Variants in NTRK2 observed in about 807,000 individuals in gnomAD.
NTRK2 encodes BDNF/NT-3 growth factors receptor.
Under a neutral mutation model 94.5 loss-of-function variants are expected in NTRK2, and 13 were observed. The observed-to-expected ratio is 0.14, with a 90% CI of 0.09 to 0.22. NTRK2 has a LOEUF of 0.22. Among genes scored for constraint, NTRK2 ranks in the 10% least tolerant of loss-of-function variants. NTRK2 has a pLI of 1.00. For synonymous variants in NTRK2, 372 were observed against 407.4 expected (o/e 0.91, Z 1.05); for missense variants, 639 against 1,071.2 (o/e 0.60, Z 5.63).
intron 12 of NTRK2, among the ~76,000 whole-genome samples, chr9:84,759,413 T>C (rs529618498): frequency 2.0e-4 from 30 of 152,376 alleles, no homozygotes; most frequent in Middle Eastern, 3.4e-3. Context: ...TTTAGCCTTG[T>C]AGGTGGATGC....
intron 5 of NTRK2, 49 bp from the exon 6 acceptor site, chr9:84,710,588 C>T (rs1265139058): frequency 6.2e-7 from 1 of 1,605,676 alleles, no homozygotes; most frequent in Non-Finnish European, 8.5e-7. Flanking sequence ...ACTAATGTAG[C>T]TAAAATGGAA....
chr9:84,774,210 G>A (rs1189156228), intron 12 of NTRK2, among the ~76,000 whole-genome samples: 2 of 152,202 alleles, frequency 1.3e-5, no homozygotes, highest in Non-Finnish European at 2.9e-5. Flanking sequence ...TTCAATGGAG[G>A]GGACTGGACC....
At chr9:85,004,980 G>A (rs761739085) in intron 17 of NTRK2, among the ~76,000 whole-genome samples, 101 of 152,274 alleles carry the variant, frequency 6.6e-4, no homozygotes, top group Non-Finnish European at 9.7e-4. Context: ...AGAGATTTGA[G>A]CTCTGAGAAA....
rs112817020 is a variant in NTRK2, at chr9:84,817,061, A to G, written c.1397-43979A>G. Among the ~76,000 whole-genome samples the G allele has an allele frequency of 2.3e-3, 354 of 152,312 alleles. 2 individuals are homozygous for G. Among genetic ancestry groups the G allele is most frequent in the African/African-American group, 8.0e-3 (331 of 41,562 alleles). ...GAGATGATGGTAATAAGAATAGTAC[A>G]ATATTTACCTCACTGGGCTCTTATA... On this transcript the variant is annotated intron_variant, in intron 12 of 18. Coordinates refer to ENST00000277120, the MANE Select transcript of NTRK2 (RefSeq NM_006180.6).
At chr9:84,823,591 T>G (rs969254323) in intron 12 of NTRK2, among the ~76,000 whole-genome samples, 1 of 152,232 alleles carries the variant, frequency 6.6e-6, no homozygotes, top group Non-Finnish European at 1.5e-5. Context: ...CGTCAGTAGC[T>G]GGGGTGGAGG....
chr9:84,882,827 G>A (rs531594631), intron 14 of NTRK2, among the ~76,000 whole-genome samples: 5 of 152,188 alleles, frequency 3.3e-5, no homozygotes, highest in African/African-American at 1.2e-4. Flanking sequence ...TGGAGTTCGC[G>A]ATCTCGGCTC....
intron 10 of NTRK2, 130 bp downstream of exon 10, chr9:84,742,057 G>T: frequency 1.3e-6 from 1 of 793,660 alleles, no homozygotes; most frequent in Non-Finnish European, 2.0e-6. Context: ...GGCCAAAATA[G>T]TATTTCAAAA....
intron 9 of NTRK2, among the ~76,000 whole-genome samples, chr9:84,732,123 G>C (rs1333035911): frequency 6.6e-6 from 1 of 152,212 alleles, no homozygotes; most frequent in East Asian, 1.9e-4. Context: ...GCTTCAAAAT[G>C]AAATCTAGAA....
chr9:84,991,070 G>A (rs543391516), intron 17 of NTRK2, among the ~76,000 whole-genome samples: 1 of 152,288 alleles, frequency 6.6e-6, no homozygotes, highest in South Asian at 2.1e-4. Flanking sequence ...AGCATACCTG[G>A]ATGGATTCGT....
At chr9:84,795,662 C>T (rs1317241102) in intron 12 of NTRK2, among the ~76,000 whole-genome samples, 4 of 152,160 alleles carry the variant, frequency 2.6e-5, no homozygotes, top group African/African-American at 7.2e-5. Context: ...CCTGAGGGTT[C>T]GGGCCCCCAC....
intron 2 of NTRK2, among the ~76,000 whole-genome samples, chr9:84,684,086 G>A (rs779089921): frequency 4.0e-5 from 6 of 151,610 alleles, no homozygotes; most frequent in Non-Finnish European, 8.8e-5. Context: ...TGTAGATTCT[G>A]GATATTAGAC....
intron 17 of NTRK2, among the ~76,000 whole-genome samples, chr9:85,017,831 C>T (rs749420850): frequency 4.6e-5 from 7 of 152,060 alleles, no homozygotes; most frequent in Non-Finnish European, 8.8e-5. Flanking sequence ...TTTTATCTAA[C>T]GAGAAAGAAC....
intron 12 of NTRK2, 143 bp downstream of exon 12, chr9:84,752,228 C>G: frequency 3.6e-5 from 26 of 727,590 alleles, no homozygotes; most frequent in Middle Eastern, 4.9e-4. Context: ...GGCTTTGATA[C>G]TACAAATCAA....
chr9:84,736,416 G>A (rs1034253814), intron 9 of NTRK2, among the ~76,000 whole-genome samples: 3 of 152,120 alleles, frequency 2.0e-5, no homozygotes, highest in African/African-American at 7.2e-5. Context: ...AGCTCTCTGC[G>A]GCACTTAGAA....
At chr9:85,020,569 C>T (rs529826033) in intron 18 of NTRK2, among the ~76,000 whole-genome samples, 6 of 152,252 alleles carry the variant, frequency 3.9e-5, no homozygotes, top group African/African-American at 9.6e-5. Flanking sequence ...GCACAGTGCT[C>T]GCTGCTATGT....
chr9:84,917,349 T>G (rs754013082), intron 14 of NTRK2, among the ~76,000 whole-genome samples: 1 of 152,206 alleles, frequency 6.6e-6, no homozygotes, highest in Non-Finnish European at 1.5e-5. Flanking sequence ...TTCTGGAGTC[T>G]GGGATGGAGA....
At chr9:84,825,867 G>A (rs1452142172) in intron 12 of NTRK2, among the ~76,000 whole-genome samples, 1 of 152,188 alleles carries the variant, frequency 6.6e-6, no homozygotes, top group Non-Finnish European at 1.5e-5. Context: ...GTGCTACTGG[G>A]CTTTCAAAGA....
intron 2 of NTRK2, among the ~76,000 whole-genome samples, chr9:84,691,713 C>T (rs1246301406): frequency 6.6e-6 from 1 of 152,062 alleles, no homozygotes. Flanking sequence ...GTGACTGCCC[C>T]AGAACTTAGA....
intron 12 of NTRK2, among the ~76,000 whole-genome samples, chr9:84,816,232 G>T (rs2072383735): frequency 6.6e-6 from 1 of 152,090 alleles, no homozygotes; most frequent in Non-Finnish European, 1.5e-5. Flanking sequence ...ATAACTGTTA[G>T]CATGGTGCCC....
Sources: allele counts gnomAD v4.1 joint callset (sites outside exome capture counted in the v4.1 genomes callset), GRCh38; gene constraint gnomAD v4.1.1; transcripts MANE v1.5; gene names NCBI Gene and HGNC (gene_info 2026-07-23, HGNC 2026-07-21).